The following PKN3 variants were observed in gnomAD, a reference collection of about 807,000 sequenced individuals.
The protein encoded by PKN3 is serine/threonine-protein kinase N3.
A neutral mutation model predicts 113.1 loss-of-function variants in PKN3; 91 were observed. That is an observed-to-expected ratio of 0.80 (90% CI 0.68 to 0.96). The LOEUF (loss-of-function observed/expected upper bound fraction) is 0.96. Among genes scored for constraint, PKN3 ranks in the 40% least tolerant of loss-of-function variants. The pLI is 0.00. For synonymous variants in PKN3, 467 were observed against 499.0 expected (o/e 0.94, Z 0.85); for missense variants, 1,052 against 1,202.2 (o/e 0.88, Z 1.85).
chr9:128,715,414 A>C lies in PKN3; in HGVS notation c.1762A>C (p.Lys588Gln). Residue 588 changes from lysine (K) to glutamine (Q), a missense_variant, in exon 15 of 22, where the codon AAA (lysine) becomes CAA (glutamine). Around this residue, in one of 2 missense-constraint regions of PKN3, gnomAD observed 333 missense variants for 442.8 expected, o/e 0.75. Transcript: ENST00000291906. This position sits in a 1 kb window ranked among gnomAD's most constrained non-coding sequence, Gnocchi z 4.1. ...GGGGACAGGGAAATACTACGCCATC[A>C]AAGCACTGAAGAAGCAGGAGGTGCT... ...FKGTGKYYAI[K>Q]ALKKQEVLSR... The C allele has an allele frequency of 6.2e-7, 1 of 1,614,054 alleles. No individual in the cohort carries two copies. Among genetic ancestry groups the C allele is most frequent in the Non-Finnish European group, 8.5e-7 (1 of 1,180,016 alleles).
In PKN3 at chr9:128,720,189, G is replaced by C; in HGVS notation, c.2377-14G>C. 3.1e-6 allele frequency: 5 copies of C among 1,612,290 alleles called. No homozygotes were observed. On this transcript the variant is annotated splice_polypyrimidine_tract_variant and intron_variant, in intron 20 of 21. Transcript: ENST00000291906. The surrounding 1 kb of genome is among the most constrained non-coding windows in gnomAD (Gnocchi z 5.5). ...GGCTGAATGCCCTAAGTGAGCGCCT[G>C]TCCTATTGCCCAGCTCCTCCAGAAG...
intron 1 of PKN3, 97 bp downstream of exon 1, chr9:128,703,036 C>A: frequency 1.2e-6 from 1 of 852,722 alleles, no homozygotes; most frequent in South Asian, 2.1e-5. Context: ...CCCCGATCCT[C>A]CCCTCACCCG....
chr9:128,705,521 C>T lies in PKN3; in HGVS notation c.243C>T (p.Pro81=), dbSNP rs571559064. The change falls in exon 2 of 22, where the codon CCC becomes CCT. Residue 81 remains proline (P), a synonymous_variant. Coordinates refer to ENST00000291906, the MANE Select transcript of PKN3 (RefSeq NM_013355.5). ...LRELHARILL[P]GPGPGPAEPV... ...AGCTGCACGCCCGAATCCTGCTGCC[C>T]GGCCCTGGGCCTGGCCCAGCTGGTG... The T allele has an allele frequency of 1.9e-5, 30 of 1,556,674 alleles. No individual in the cohort carries two copies. The highest frequency in any genetic ancestry group is 5.5e-5 in the African/African-American group (4 of 73,394).
Position 128,713,491 on chromosome 9 carries a change from C to T in PKN3, c.1093-8C>T. On this transcript the variant is annotated splice_region_variant and splice_polypyrimidine_tract_variant and intron_variant, in intron 8 of 21. Transcript: ENST00000291906. ...ACCCCACCCTTCAGCCTGGCCTCCC[C>T]AATACAGGCCCGTGAGCTGGAGATT... 6.2e-7 allele frequency: 1 copy of T among 1,614,002 alleles called. No individual in the cohort carries two copies. Among genetic ancestry groups the T allele is most frequent in the South Asian group, 1.1e-5 (1 of 91,086 alleles).
At position 128,719,678 on chromosome 9, in the gene PKN3, G is replaced by A; in HGVS notation, c.2126-8G>A. 6.5e-7 allele frequency: 1 copy of A among 1,540,336 alleles called. No individual in the cohort carries two copies. Among genetic ancestry groups the A allele is most frequent in the Non-Finnish European group, 8.7e-7 (1 of 1,143,748 alleles). ...CAAGCAGCTATTGGTGTGCCTGTTG[G>A]TTTGCAGGGATCGGCTTCGGGGACC... On this transcript the variant is annotated splice_polypyrimidine_tract_variant and splice_region_variant and intron_variant, in intron 18 of 21. Transcript: ENST00000291906.
intron 1 of PKN3, chr9:128,703,664 A>T (rs932395621): frequency 9.4e-5 from 93 of 985,092 alleles, no homozygotes; most frequent in Non-Finnish European, 1.1e-4. Flanking sequence ...AGCGGAAAGG[A>T]GGTGGTGTGT....
Position 128,714,583 on chromosome 9 carries a change from C to T in PKN3, c.1503C>T (p.Thr501=), listed in dbSNP as rs372278597. Residue 501 remains threonine, a synonymous_variant, in exon 12 of 22, where the codon ACC becomes ACT. Transcript: ENST00000291906. ...ACAGTAATTTCCTGCCCAAGAAGAC[C>T]CCCTTGGGTGAAGAGATGACACCCC... is the stretch of plus-strand genomic sequence containing the variant. The part of the protein sequence containing the change: ...ATPSNFLPKK[T]PLGEEMTPPP... 1.3e-5 allele frequency: 17 copies of T among 1,268,124 alleles called. No individual in the cohort carries two copies. The highest frequency in any genetic ancestry group is 1.9e-5 in the Non-Finnish European group (16 of 864,064). 78.6% of individuals were successfully genotyped at this position (1,268,124 alleles called of 1,614,324 possible).
chr9:128,714,238 G>A lies in PKN3; in HGVS notation c.1354G>A (p.Ala452Thr), dbSNP rs775876601. The A allele has an allele frequency of 6.2e-7, 1 of 1,613,848 alleles. No individual in the cohort carries two copies. Among genetic ancestry groups the A allele is most frequent in the African/African-American group, 1.3e-5 (1 of 74,876 alleles). Residue 452 changes from alanine (A) to threonine (T), a missense_variant, in exon 11 of 22, where the codon GCG becomes ACG. Around this residue, in one of 2 missense-constraint regions of PKN3, gnomAD observed 719 missense variants for 759.4 expected, o/e 0.95. Transcript: ENST00000291906. ...GGCTTCGCAGATGAACCTCGGCATGGCGGCCTGGGGGCGCCTCGTCATGAA... is the reference window on the plus strand; with the variant it reads ...GGCTTCGCAGATGAACCTCGGCATGACGGCCTGGGGGCGCCTCGTCATGAA... The part of the protein sequence containing the change: ...LRASQMNLGM[A>T]AWGRLVMNLL...
At chr9:128,704,949 A>G (rs952629272) in intron 1 of PKN3, among the ~76,000 whole-genome samples, 1 of 151,830 alleles carries the variant, frequency 6.6e-6, no homozygotes, top group Admixed American at 6.6e-5. Context: ...AAAAGAAAAA[A>G]GAAAATGGGG....
intron 6 of PKN3, among the ~76,000 whole-genome samples, chr9:128,709,465 A>C: frequency 6.6e-6 from 1 of 150,436 alleles, no homozygotes; most frequent in East Asian, 2.0e-4. Context: ...AAAAAAAAAA[A>C]ATTAGGCTGG....
rs2132273732 is a variant in PKN3, at chr9:128,702,643, C to G, written c.-273C>G. 2.4e-6 allele frequency: 1 copy of G among 416,268 alleles called. No individual in the cohort carries two copies. The highest frequency in any genetic ancestry group is 4.2e-6 in the Non-Finnish European group (1 of 236,908). 25.8% of individuals were successfully genotyped at this position (416,268 alleles called of 1,614,324 possible). A position where few individuals can be genotyped will look rare whatever the true frequency, so the allele number is the denominator to read the frequency against. On this transcript the variant is annotated 5_prime_UTR_variant, in exon 1 of 22. Transcript: ENST00000291906. ...CCAGCGGGAACCGCAGGCGCCGAAG[C>G]CCGGGTACTGGGCCCAGAATCCCGC... is the stretch of plus-strand genomic sequence containing the variant.
chr9:128,713,328 G>A lies in PKN3; in HGVS notation c.1033G>A (p.Gly345Ser). 2.5e-6 allele frequency: 4 copies of A among 1,614,148 alleles called. No homozygotes were observed. The highest frequency in any genetic ancestry group is 2.5e-6 in the Non-Finnish European group (3 of 1,180,038). Reference sequence around the variant, plus strand: ...GGACAACCGTGTTGTGGGGCAGACGGGCTGGGGGCAGGTGGCCGAACAGTC... The same window carrying A: ...GGACAACCGTGTTGTGGGGCAGACGAGCTGGGGGCAGGTGGCCGAACAGTC... ...KVDNRVVGQT[G>S]WGQVAEQSWD... is the part of the protein sequence containing the mutation. The change falls in exon 8 of 22, where the codon GGC (glycine) becomes AGC (serine). Residue 345 changes from glycine (G) to serine (S), a missense_variant. By Grantham distance (56) the Gly-to-Ser change is moderately conservative. Transcript: ENST00000291906.
rs898386920 is a variant in PKN3, at chr9:128,715,631, TTCTC to T, written c.1808+175_1808+178del. On this transcript the variant is annotated intron_variant, in intron 15 of 21. Transcript: ENST00000291906. This position sits in a 1 kb window ranked among gnomAD's most constrained non-coding sequence, Gnocchi z 4.1. ...TGTGTTTCCTTGGGCAGGTCCCCTC[TTCTC>T]TCTGTCAGTTTGCTCTACTGTAAAA... 2.0e-5 allele frequency among the ~76,000 whole-genome samples: 3 copies of T among 152,172 alleles called. No homozygotes were observed. The highest frequency in any genetic ancestry group is 6.5e-5 in the Admixed American group (1 of 15,274).
intron 15 of PKN3, 65 bp from the exon 16 acceptor site, chr9:128,716,682 C>T: frequency 7.3e-7 from 1 of 1,370,626 alleles, no homozygotes; most frequent in Non-Finnish European, 1.0e-6. Context: ...GGGTGTTGTG[C>T]AGGGCACAGG....
At position 128,713,944 on chromosome 9, in the gene PKN3, G is replaced by A. The variant is rs1465259669; in HGVS notation, c.1237-102G>A. 18 of 1,211,156 alleles carry A rather than the reference G, an allele frequency of 1.5e-5. 1 individual carries two copies. The highest frequency in any genetic ancestry group is 2.2e-5 in the Non-Finnish European group (18 of 821,650). 75.0% of individuals were successfully genotyped at this position (1,211,156 alleles called of 1,614,324 possible). A position where few individuals can be genotyped will look rare whatever the true frequency, so the allele number is the denominator to read the frequency against. ...CTGGGTCTTTCTGGCTCTTGCATCT[G>A]TTGACCCTGGGGGCTTGGGCTGTAA... On this transcript the variant is annotated intron_variant, in intron 9 of 21. Transcript: ENST00000291906.
At chr9:128,711,918 GTT>G (rs34340369) in intron 6 of PKN3, among the ~76,000 whole-genome samples, 2 of 150,362 alleles carry the variant, frequency 1.3e-5, no homozygotes, top group African/African-American at 2.5e-5. Flanking sequence ...TGTTTTGTTT[GTT>G]TTTTTTTGAG....
intron 3 of PKN3, among the ~76,000 whole-genome samples, chr9:128,706,097 C>T (rs1200289736): frequency 1.3e-5 from 2 of 152,236 alleles, no homozygotes; most frequent in Non-Finnish European, 2.9e-5. Flanking sequence ...AGCCCAGCCC[C>T]AGTCCCAACT....
intron 1 of PKN3, chr9:128,703,875 G>T (rs1193586103): frequency 1.0e-6 from 1 of 985,348 alleles, no homozygotes; most frequent in Non-Finnish European, 1.2e-6. Context: ...GATTTCCTGC[G>T]GGGCTCCGCC....
At position 128,705,314 on chromosome 9, in the gene PKN3, C is replaced by A; in HGVS notation, c.36C>A (p.Ser12Arg). The A allele has an allele frequency of 6.4e-7, 1 of 1,556,004 alleles. No individual in the cohort carries two copies. The highest frequency in any genetic ancestry group is 8.7e-7 in the Non-Finnish European group (1 of 1,150,988). The change falls in exon 2 of 22, where the codon AGC (serine) becomes AGA (arginine). Residue 12 changes from serine (S) to arginine (R), a missense_variant. Coordinates refer to ENST00000291906, the MANE Select transcript of PKN3 (RefSeq NM_013355.5). Reference protein sequence around the residue: ...EEGAPRQPGPSQWPPEDEKEV... With the variant: ...EEGAPRQPGPRQWPPEDEKEV... The stretch of plus-strand genomic sequence containing the variant: ...CACCGGCTCTGCAGCCTGGGCCGAG[C>A]CAGTGGCCCCCAGAGGATGAGAAGG...
Sources: allele counts gnomAD v4.1 joint callset (sites outside exome capture counted in the v4.1 genomes callset), GRCh38; gene constraint gnomAD v4.1.1; regional missense constraint gnomAD v4.1.1; non-coding constraint Gnocchi (gnomAD v3.1); transcripts MANE v1.5; gene names NCBI Gene and HGNC (gene_info 2026-07-23, HGNC 2026-07-21).